Variants in ATG10 observed in about 807,000 individuals in gnomAD.
ATG10 encodes the protein ubiquitin-like-conjugating enzyme ATG10.
In ATG10, 30 loss-of-function variants were observed where a neutral mutation model predicts 32.1. The ratio of observed to expected loss-of-function variants is 0.94; its 90% confidence interval spans 0.70 to 1.27. The LOEUF (loss-of-function observed/expected upper bound fraction) is 1.27. Among genes scored for constraint, ATG10 ranks in the 50% most tolerant of loss-of-function variants. ATG10 has a pLI of 0.00. For missense variants in ATG10, 233 were observed against 262.3 expected (o/e 0.89, Z 0.77); for synonymous variants, 87 against 91.5 (o/e 0.95, Z 0.28).
At chr5:82,056,541 T>C (rs1349895522) in intron 2 of ATG10, among the ~76,000 whole-genome samples, 1 of 151,750 alleles carries the variant, frequency 6.6e-6, no homozygotes, top group Non-Finnish European at 1.5e-5. Flanking sequence ...CCATTGGCTG[T>C]GATGTAGATC....
chr5:82,027,067 GAATA>G (rs939770669), intron 2 of ATG10, among the ~76,000 whole-genome samples: 32 of 125,664 alleles, frequency 2.5e-4, no homozygotes, highest in Admixed American at 1.1e-3. Context: ...TCAGAAAAAT[GAATA>G]AATAAAATAA....
chr5:81,982,636 C>T (rs1761087405), intron 1 of ATG10, among the ~76,000 whole-genome samples: 1 of 151,160 alleles, frequency 6.6e-6, no homozygotes. Context: ...GGTCATAGGA[C>T]AATAGTGGAG....
intron 2 of ATG10, among the ~76,000 whole-genome samples, chr5:82,021,459 A>G (rs1762431877): frequency 6.6e-6 from 1 of 152,224 alleles, no homozygotes; most frequent in South Asian, 2.1e-4. Context: ...TGTATACTTT[A>G]AATCATCTCT....
chr5:82,016,616 G>C (rs1232950957), intron 2 of ATG10, among the ~76,000 whole-genome samples: 2 of 151,922 alleles, frequency 1.3e-5, no homozygotes, highest in Admixed American at 1.3e-4. Flanking sequence ...GTTCTGTAAA[G>C]AATGATGGTG....
chr5:82,131,869 T>C (rs1274015981), intron 3 of ATG10, among the ~76,000 whole-genome samples: 1 of 152,052 alleles, frequency 6.6e-6, no homozygotes, highest in Non-Finnish European at 1.5e-5. Flanking sequence ...TGGCATCTGC[T>C]TCTGGGATAG....
At chr5:82,046,104 C>T (rs974680814) in intron 2 of ATG10, among the ~76,000 whole-genome samples, 3 of 152,140 alleles carry the variant, frequency 2.0e-5, no homozygotes, top group Admixed American at 6.5e-5. Context: ...CTCTGTCCTA[C>T]CTCAGCTGTT....
chr5:81,983,952 G>A (rs1268868617), intron 1 of ATG10, among the ~76,000 whole-genome samples: 2 of 151,724 alleles, frequency 1.3e-5, no homozygotes, highest in African/African-American at 4.9e-5. Flanking sequence ...GATGGCGGCC[G>A]GGAAGAGGCG....
chr5:82,091,352 G>A (rs556324650), intron 3 of ATG10, among the ~76,000 whole-genome samples: 1 of 152,238 alleles, frequency 6.6e-6, no homozygotes, highest in South Asian at 2.1e-4. Context: ...TTACAGGCAT[G>A]AGCCACCATG....
In ATG10 at chr5:82,049,489, A is replaced by G. The variant is rs552621099; in HGVS notation, c.109-9006A>G. On this transcript the variant is annotated intron_variant, in intron 2 of 7. Transcript: ENST00000282185. Reference sequence around the variant, plus strand: ...TGGGTGCAGCGCACCAGCATGGCACATGTATGCATATGTAACCAACCTGCA... The same window carrying G: ...TGGGTGCAGCGCACCAGCATGGCACGTGTATGCATATGTAACCAACCTGCA... Among the ~76,000 whole-genome samples the G allele has an allele frequency of 1.2e-4, 18 of 152,144 alleles. 1 individual carries two copies. In the South Asian group the frequency reaches 1.7e-3, roughly 14 times the overall value.
chr5:82,234,397 T>C (rs1746481056), intron 5 of ATG10, among the ~76,000 whole-genome samples: 1 of 152,066 alleles, frequency 6.6e-6, no homozygotes, highest in South Asian at 2.1e-4. Flanking sequence ...GGGCTTAGGG[T>C]ACCTGGTGTG....
intron 5 of ATG10, among the ~76,000 whole-genome samples, chr5:82,219,981 A>G (rs1431618271): frequency 6.6e-6 from 1 of 152,224 alleles, no homozygotes; most frequent in Non-Finnish European, 1.5e-5. Context: ...GCAAACAAGC[A>G]ATTGCAAAAC....
intron 3 of ATG10, among the ~76,000 whole-genome samples, chr5:82,090,151 A>G (rs1452954136): frequency 3.3e-5 from 5 of 152,122 alleles, no homozygotes; most frequent in Non-Finnish European, 7.4e-5. Context: ...TCACTCAAAC[A>G]TTGCTTTTGG....
chr5:81,983,410 G>C (rs1404107775), intron 1 of ATG10, among the ~76,000 whole-genome samples: 1 of 146,354 alleles, frequency 6.8e-6, no homozygotes, highest in African/African-American at 2.5e-5. Flanking sequence ...CCAGGCGGGG[G>C]GCTGACTCCC....
chr5:82,156,907 C>T (rs1767819429), intron 3 of ATG10, among the ~76,000 whole-genome samples: 1 of 152,218 alleles, frequency 6.6e-6, no homozygotes, highest in South Asian at 2.1e-4. Flanking sequence ...TAGCCTCTTC[C>T]ACAGTTCCAC....
At chr5:82,173,390 T>G (rs1474604068) in intron 4 of ATG10, among the ~76,000 whole-genome samples, 1 of 152,238 alleles carries the variant, frequency 6.6e-6, no homozygotes, top group Non-Finnish European at 1.5e-5. Context: ...TCAAATTAAA[T>G]GCTACTGGCA....
intron 1 of ATG10, among the ~76,000 whole-genome samples, chr5:81,974,680 A>G (rs548906681): frequency 4.6e-5 from 7 of 152,258 alleles, no homozygotes; most frequent in African/African-American, 1.7e-4. Context: ...TAGAGGCACA[A>G]TTAGAAGGCA....
chr5:82,213,772 G>A (rs1745578319), intron 5 of ATG10, among the ~76,000 whole-genome samples: 2 of 152,178 alleles, frequency 1.3e-5, no homozygotes, highest in Non-Finnish European at 2.9e-5. Flanking sequence ...TAAGTCCAGT[G>A]TTTAGCAGGT....
In ATG10 at chr5:82,064,009, A is replaced by T. The variant is rs541708541; in HGVS notation, c.216+5407A>T. 3.9e-5 allele frequency among the ~76,000 whole-genome samples: 6 copies of T among 152,338 alleles called. No homozygotes were observed. The South Asian group carries it at 1.2e-3, about 32-fold the overall frequency. On this transcript the variant is annotated intron_variant, in intron 3 of 7. Coordinates refer to ENST00000282185, the MANE Select transcript of ATG10 (RefSeq NM_031482.5). ...AAAAATTGAATAAGCAAATTTCATG[A>T]AAGGGATTGATTGTGCTCATGATAG... is the stretch of plus-strand genomic sequence containing the variant.
At chr5:82,037,489 C>T (rs372908450) in intron 2 of ATG10, among the ~76,000 whole-genome samples, 6,434 of 151,312 alleles carry the variant, frequency 0.043, 150 homozygotes, top group Middle Eastern at 0.055. Context: ...CCTCGTGATC[C>T]GCCCGCCTCG....
Sources: gnomAD v4.1 joint callset for allele counts (sites outside exome capture counted in the v4.1 genomes callset) on GRCh38, gnomAD v4.1.1 for gene constraint, MANE v1.5 for transcripts, NCBI Gene and HGNC (gene_info 2026-07-23, HGNC 2026-07-21) for gene names.